Variants in RPL36A observed in about 807,000 individuals in gnomAD.
The protein encoded by RPL36A is ribosomal protein L36a, also known as large ribosomal subunit protein eL42.
For missense variants in RPL36A, 20 were observed against 81.0 expected (o/e 0.25, Z 2.89); for synonymous variants, 25 against 28.5 (o/e 0.88, Z 0.39).
chrX:101,391,104 C>T lies in RPL36A; in HGVS notation c.3+58C>T, dbSNP rs931318758. 5 of 1,150,888 alleles carry T rather than the reference C, an allele frequency of 4.3e-6. No homozygotes were observed. The African/African-American group carries it at 8.9e-5, about 20-fold the overall frequency. The allele number at this position is 1,150,888 out of a possible 1,213,427, so 94.8% of individuals were successfully genotyped here. A position where few individuals can be genotyped will look rare whatever the true frequency, so the allele number is the denominator to read the frequency against. ...CAGCTTAATCTTTCCCCCCCTTCGT[C>T]GCCCGTGCTATGCCGGGATGGGTCC... On this transcript the variant is annotated intron_variant, in intron 1 of 4. Transcript: ENST00000553110.
At chrX:101,392,541 C>T (rs1439468964) in intron 3 of RPL36A, 8 of 752,656 alleles carry the variant, frequency 1.1e-5, no homozygotes, top group African/African-American at 4.6e-5. Flanking sequence ...TTTTCACATT[C>T]GGATAACTTG....
chrX:101,395,616 G>A, intron 4 of RPL36A, 112 bp from the exon 5 acceptor site: 1 of 1,089,552 alleles, frequency 9.2e-7, no homozygotes, highest in South Asian at 2.0e-5. Context: ...AGGAGGAAAG[G>A]AAGAATGAGG....
chrX:101,392,394 C>T, intron 3 of RPL36A: 1 of 803,021 alleles, frequency 1.2e-6, no homozygotes, highest in Non-Finnish European at 1.5e-6. Context: ...GCATTCTCTC[C>T]AACACAGCAT....
At chrX:101,393,854 A>G (rs1927915478) in intron 3 of RPL36A, 1 of 105,839 alleles carries the variant, frequency 9.4e-6, no homozygotes, top group South Asian at 4.6e-4. Context: ...GGACATTAGA[A>G]AAACATAAGG....
At chrX:101,392,447 G>C (rs1271114659) in intron 3 of RPL36A, 8 of 776,645 alleles carry the variant, frequency 1.0e-5, no homozygotes, top group African/African-American at 2.3e-5. Context: ...GCTCCAGAAA[G>C]TATTAAGGAA....
At chrX:101,392,241 A>G in intron 3 of RPL36A, 3 of 921,504 alleles carry the variant, frequency 3.3e-6, no homozygotes, top group Non-Finnish European at 4.1e-6. Flanking sequence ...GTGAAGTCTT[A>G]AAACTCTTAT....
Position 101,395,861 on chromosome X carries a change from G to C in RPL36A, c.*113G>C. On this transcript the variant is annotated 3_prime_UTR_variant, in exon 5 of 5. Coordinates refer to ENST00000553110, the MANE Select transcript of RPL36A (RefSeq NM_021029.6). ...TAGAGCCATCAATACAATTCCGCTT[G>C]TGGGGAAATTTATGCCTCTTACTGG... 1 of 741,262 alleles carries C rather than the reference G, an allele frequency of 1.3e-6. No individual in the cohort carries two copies. The highest frequency in any genetic ancestry group is 2.0e-6 in the Non-Finnish European group (1 of 507,124). The allele number at this position is 741,262 out of a possible 1,213,427, so 61.1% of individuals were successfully genotyped here. A position where few individuals can be genotyped will look rare whatever the true frequency, so the allele number is the denominator to read the frequency against.
chrX:101,391,255 G>C (rs1569300342), intron 1 of RPL36A: 1 of 580,098 alleles, frequency 1.7e-6, no homozygotes, highest in South Asian at 2.9e-5. Flanking sequence ...GCCGGGGGTG[G>C]AGTTAATGAG....
intron 1 of RPL36A, 33 bp downstream of exon 1, chrX:101,391,079 C>T: frequency 1.7e-6 from 2 of 1,192,074 alleles, no homozygotes; most frequent in South Asian, 1.8e-5. Flanking sequence ...GAGTAACATC[C>T]AGCTTAATCT....
At chrX:101,392,353 TTAAAG>T (rs1927840518) in intron 3 of RPL36A, 3 of 850,631 alleles carry the variant, frequency 3.5e-6, no homozygotes, top group East Asian at 1.8e-4. Flanking sequence ...TGGCTAACTC[TTAAAG>T]TAATTAGCAC....
intron 3 of RPL36A, 42 bp downstream of exon 3, chrX:101,391,864 G>C (rs782253603): frequency 8.3e-7 from 1 of 1,201,179 alleles, no homozygotes; most frequent in African/African-American, 1.7e-5. Flanking sequence ...GTTAATTGCC[G>C]TAAGGATATG....
At chrX:101,395,512 A>G (rs782357572) in intron 4 of RPL36A, 55 bp downstream of exon 4, 1 of 1,184,130 alleles carries the variant, frequency 8.4e-7, no homozygotes, top group Admixed American at 2.4e-5. Flanking sequence ...TTATTTGAAA[A>G]GGTGAACATC....
At chrX:101,392,094 G>A (rs782039728) in intron 3 of RPL36A, 6 of 1,130,953 alleles carry the variant, frequency 5.3e-6, no homozygotes, top group South Asian at 3.9e-5. Context: ...AAGAACTGAA[G>A]TGTGAGTACA....
intron 4 of RPL36A, 100 bp from the exon 5 acceptor site, chrX:101,395,628 A>G: frequency 1.8e-6 from 2 of 1,088,886 alleles, no homozygotes; most frequent in Non-Finnish European, 2.5e-6. Context: ...AGAATGAGGC[A>G]GCTTAACAGC....
chrX:101,391,092 C>T, intron 1 of RPL36A, 46 bp downstream of exon 1: 1 of 1,175,639 alleles, frequency 8.5e-7, no homozygotes, highest in Non-Finnish European at 1.2e-6. Context: ...CTTAATCTTT[C>T]CCCCCCTTCG....
At chrX:101,394,593 A>G (rs1927944895) in intron 3 of RPL36A, among the ~76,000 whole-genome samples, 1 of 105,923 alleles carries the variant, frequency 9.4e-6, no homozygotes, top group Non-Finnish European at 1.9e-5. Flanking sequence ...GGGTGGCAAG[A>G]TGAGTTGCCC....
At chrX:101,391,100 T>TC in intron 1 of RPL36A, 54 bp downstream of exon 1, 1 of 1,160,343 alleles carries the variant, frequency 8.6e-7, no homozygotes, top group South Asian at 1.8e-5. Context: ...TTCCCCCCCT[T>TC]CGTCGCCCGT....
Position 101,392,830 on chromosome X carries a change from T to G in RPL36A, c.177+1008T>G, listed in dbSNP as rs868990997. On this transcript the variant is annotated intron_variant, in intron 3 of 4. Transcript: ENST00000553110. Reference sequence around the variant, plus strand: ...TCGGGATGAATGGATAAAGAAAATGTACCTATACGCGGCCAGGCACGGTGG... The same window carrying G: ...TCGGGATGAATGGATAAAGAAAATGGACCTATACGCGGCCAGGCACGGTGG... 5.9e-4 allele frequency: 85 copies of G among 143,916 alleles called. 1 individual carries two copies. Among genetic ancestry groups the G allele is most frequent in the African/African-American group, 2.1e-3 (65 of 31,275 alleles). 11.9% of individuals were successfully genotyped at this position (143,916 alleles called of 1,213,427 possible).
intron 3 of RPL36A, among the ~76,000 whole-genome samples, chrX:101,394,164 C>G (rs782344346): frequency 1.0e-4 from 11 of 109,960 alleles, no homozygotes; most frequent in Non-Finnish European, 1.7e-4. Flanking sequence ...ACCCCCATCT[C>G]TAGTAAAAAT....
Sources: allele counts gnomAD v4.1 joint callset (sites outside exome capture counted in the v4.1 genomes callset), GRCh38; gene constraint gnomAD v4.1.1; transcripts MANE v1.5; gene names NCBI Gene and HGNC (gene_info 2026-07-23, HGNC 2026-07-21).